Variants in TMEM219 observed in about 807,000 individuals in gnomAD.
TMEM219 encodes insulin-like growth factor-binding protein 3 receptor.
In TMEM219, 18 loss-of-function variants were observed where a neutral mutation model predicts 17.9. The observed-to-expected ratio is 1.01, with a 90% CI of 0.70 to 1.49. The LOEUF (loss-of-function observed/expected upper bound fraction) is 1.49. TMEM219 is among the 40% of genes most tolerant of loss of function. The pLI, the probability that TMEM219 is intolerant of heterozygous loss-of-function variation, is 0.00. For missense variants in TMEM219, 288 were observed against 292.4 expected (o/e 0.99, Z 0.11); for synonymous variants, 113 against 124.0 (o/e 0.91, Z 0.59).
rs529264549 is a variant in TMEM219, at chr16:29,963,545, G to T, written c.311G>T (p.Arg104Leu). 6.2e-7 allele frequency: 1 copy of T among 1,613,938 alleles called. No homozygotes were observed. Among genetic ancestry groups the T allele is most frequent in the African/African-American group, 1.3e-5 (1 of 74,894 alleles). The change falls in exon 3 of 6, where the codon CGG becomes CTG. Residue 104 changes from arginine (R) to leucine (L), a missense_variant. Coordinates refer to ENST00000279396, the MANE Select transcript of TMEM219 (RefSeq NM_001083613.2). The stretch of plus-strand genomic sequence containing the variant: ...GACGGTCCAGACAGGAACAAGACCC[G>T]GACATTCCAGGCCACAGTCCTGGGA... ...FGDGPDRNKT[R>L]TFQATVLGSQ... is the part of the protein sequence containing the mutation.
Position 29,971,550 on chromosome 16 carries a change from A to G in TMEM219, c.*5A>G, listed in dbSNP as rs758529842. The G allele has an allele frequency of 3.8e-6, 6 of 1,580,048 alleles. No individual in the cohort carries two copies. The highest frequency in any genetic ancestry group is 3.4e-5 in the Admixed American group (2 of 58,052). On this transcript the variant is annotated 3_prime_UTR_variant, in exon 5 of 6. Transcript: ENST00000279396. ...TGGTCTAGAACCCGGCTCTGAGGGC[A>G]CTGGCCTAGTTCCCGACTTGTTTCT... is the stretch of plus-strand genomic sequence containing the variant.
intron 3 of TMEM219, among the ~76,000 whole-genome samples, chr16:29,964,575 C>T (rs1220357240): frequency 1.3e-5 from 2 of 151,916 alleles, no homozygotes; most frequent in African/African-American, 2.4e-5. Flanking sequence ...GCAGGAGAAT[C>T]GCTTGAACCT....
intron 1 of TMEM219, chr16:29,962,551 G>A (rs2069159234): frequency 2.6e-5 from 4 of 152,326 alleles, no homozygotes; most frequent in African/African-American, 9.7e-5. Context: ...CCGGTTTTGA[G>A]GATCTGTACG....
chr16:29,966,181 GT>G (rs1345028004), intron 3 of TMEM219, among the ~76,000 whole-genome samples: 2 of 152,088 alleles, frequency 1.3e-5, no homozygotes, highest in Non-Finnish European at 2.9e-5. Flanking sequence ...TTACCCAATT[GT>G]TTTATTTACT....
At position 29,963,301 on chromosome 16, in the gene TMEM219, T is replaced by A. The variant is rs749110431; in HGVS notation, c.158T>A (p.Ile53Asn). 1.2e-5 allele frequency: 19 copies of A among 1,613,752 alleles called. No individual in the cohort carries two copies. Among genetic ancestry groups the A allele is most frequent in the Non-Finnish European group, 1.6e-5 (19 of 1,179,940 alleles). ...THRTGLRSPD[I>N]PQDWVSFLRS... is the part of the protein sequence containing the mutation. ...AGGACTGGCCTGCGCAGCCCTGACATCCCCCAGGTAAGTTCCCCACCCCCG... is the reference window on the plus strand; with the variant it reads ...AGGACTGGCCTGCGCAGCCCTGACAACCCCCAGGTAAGTTCCCCACCCCCG... Residue 53 changes from isoleucine (I) to asparagine (N), a missense_variant, in exon 2 of 6, where the codon ATC becomes AAC. Ile to Asn is a moderately radical substitution (Grantham distance 149). Coordinates refer to ENST00000279396, the MANE Select transcript of TMEM219 (RefSeq NM_001083613.2).
chr16:29,970,066 T>C (rs1239160487), intron 4 of TMEM219, among the ~76,000 whole-genome samples: 1 of 151,930 alleles, frequency 6.6e-6, no homozygotes, highest in East Asian at 2.0e-4. Context: ...AAACCCCATC[T>C]CTACTAAAAA....
chr16:29,972,749 C>G (rs11901), intron 5 of TMEM219, among the ~76,000 whole-genome samples: 57,459 of 152,072 alleles, frequency 0.38, 11,470 homozygotes, highest in South Asian at 0.49. Flanking sequence ...ACAGGACCCT[C>G]TCAACCTTGG....
At position 29,972,326 on chromosome 16, in the gene TMEM219, G is replaced by T. The variant is rs182611979; in HGVS notation, c.*34-624G>T. 2.6e-5 allele frequency among the ~76,000 whole-genome samples: 4 copies of T among 152,300 alleles called. 1 individual carries two copies. Among genetic ancestry groups the T allele is most frequent in the Admixed American group, 2.6e-4 (4 of 15,290 alleles). On this transcript the variant is annotated intron_variant, in intron 5 of 5. Transcript: ENST00000279396. ...GGACATAGTATGTGCCCAAGAACTT[G>T]ACATGCACCTTCTGTCTTCCATTTA...
Position 29,964,362 on chromosome 16 carries a change from AG to A in TMEM219, c.355+774del, listed in dbSNP as rs201543805. 4.0e-3 allele frequency among the ~76,000 whole-genome samples: 610 copies of A among 151,990 alleles called. 2 individuals carry two copies. The highest frequency in any genetic ancestry group is 0.014 in the African/African-American group (597 of 41,444). On this transcript the variant is annotated intron_variant, in intron 3 of 5. Transcript: ENST00000279396. ...GCCAGGCTTGGTGGTGCAAGCCTGTAGTTCCAGCTACTTGGGAGGCTGAGGC... is the reference window on the plus strand; with the variant it reads ...GCCAGGCTTGGTGGTGCAAGCCTGTATTCCAGCTACTTGGGAGGCTGAGGC...
At position 29,967,876 on chromosome 16, in the gene TMEM219, G is replaced by C. The variant is rs1023778387; in HGVS notation, c.356-149G>C. ...CGGGAGGCGGAGCTTGCAGTGAGCC[G>C]AGATTGCGCCACTGCACTCCAGCCT... is the stretch of plus-strand genomic sequence containing the variant. On this transcript the variant is annotated intron_variant, in intron 3 of 5. Transcript: ENST00000279396. The C allele has an allele frequency of 2.1e-5, 13 of 610,136 alleles. No homozygotes were observed. The African/African-American group carries it at 2.4e-4, about 11-fold the overall frequency. 37.8% of individuals were successfully genotyped at this position (610,136 alleles called of 1,614,324 possible).
At chr16:29,970,323 CTTTTT>C (rs869239268) in intron 4 of TMEM219, among the ~76,000 whole-genome samples, 1 of 138,138 alleles carries the variant, frequency 7.2e-6, no homozygotes, top group African/African-American at 2.7e-5. Context: ...ACTGCTTGCA[CTTTTT>C]TTTTTTTTTT....
At position 29,963,119 on chromosome 16, in the gene TMEM219, G is replaced by A. The variant is rs370073098; in HGVS notation, c.-25G>A. 31 of 1,606,336 alleles carry A rather than the reference G, an allele frequency of 1.9e-5. No individual in the cohort carries two copies. The highest frequency in any genetic ancestry group is 2.6e-5 in the Non-Finnish European group (31 of 1,178,850). On this transcript the variant is annotated 5_prime_UTR_variant, in exon 2 of 6. Transcript: ENST00000279396. ...CCCTGTCTTCCAGCAGGCTCTCCCC[G>A]GAGGCTCAGCCCCCTCTGCTCCCCA... is the stretch of plus-strand genomic sequence containing the variant.
At chr16:29,970,364 G>A (rs1289378296) in intron 4 of TMEM219, among the ~76,000 whole-genome samples, 3 of 134,622 alleles carry the variant, frequency 2.2e-5, no homozygotes, top group South Asian at 2.3e-4. Flanking sequence ...TTGCTCTATC[G>A]CCCAGGCGGG....
intron 3 of TMEM219, among the ~76,000 whole-genome samples, chr16:29,965,253 G>A (rs1026662114): frequency 5.3e-5 from 8 of 152,186 alleles, no homozygotes; most frequent in African/African-American, 1.4e-4. Flanking sequence ...TATATGTGTC[G>A]GGGGAGTGGG....
At chr16:29,964,488 A>G (rs936215987) in intron 3 of TMEM219, among the ~76,000 whole-genome samples, 1 of 151,500 alleles carries the variant, frequency 6.6e-6, no homozygotes, top group Admixed American at 6.6e-5. Context: ...GTCTCAAACA[A>G]ACAAACAAAC....
Position 29,971,483 on chromosome 16 carries a change from T to C in TMEM219, c.661T>C (p.Cys221Arg), listed in dbSNP as rs1482289095. Residue 221 changes from cysteine to arginine, a missense_variant, in exon 5 of 6, where the codon TGT (cysteine) becomes CGT (arginine). By Grantham distance (180) the Cys-to-Arg change is radical (BLOSUM62 -3). Coordinates refer to ENST00000279396, the MANE Select transcript of TMEM219 (RefSeq NM_001083613.2). ...GCTTCTCTTCTGTGGCCTTCTCTGC[T>C]GTGTCACTGCTATGTGCTTCCACCC... is the stretch of plus-strand genomic sequence containing the variant. ...FLLLFCGLLC[C>R]VTAMCFHPRR... 1.2e-6 allele frequency: 2 copies of C among 1,614,162 alleles called. No individual in the cohort carries two copies. The highest frequency in any genetic ancestry group is 2.2e-5 in the East Asian group (1 of 44,878).
intron 4 of TMEM219, 30 bp from the exon 5 acceptor site, chr16:29,971,378 T>C (rs775357600): frequency 6.2e-7 from 1 of 1,613,614 alleles, no homozygotes; most frequent in East Asian, 2.2e-5. Context: ...TAACATGTCC[T>C]CCTCCTCCTC....
intron 3 of TMEM219, among the ~76,000 whole-genome samples, chr16:29,963,814 T>C (rs760506821): frequency 3.1e-4 from 42 of 137,370 alleles, no homozygotes; most frequent in Non-Finnish European, 4.3e-4. Context: ...ACCCAGGAGA[T>C]GGAGGTTGCA....
intron 1 of TMEM219, 175 bp from the exon 2 acceptor site, chr16:29,962,932 A>C: frequency 1.6e-6 from 1 of 628,566 alleles, no homozygotes; most frequent in South Asian, 1.9e-5. Context: ...GAAATGCAGC[A>C]AATATTTATC....
Sources: gnomAD v4.1 joint callset for allele counts (sites outside exome capture counted in the v4.1 genomes callset) on GRCh38, gnomAD v4.1.1 for gene constraint, MANE v1.5 for transcripts, NCBI Gene and HGNC (gene_info 2026-07-23, HGNC 2026-07-21) for gene names.